Variants in PLCL1 observed in about 807,000 individuals in gnomAD.
The protein encoded by PLCL1 is phospholipase C like 1 (inactive).
A neutral mutation model predicts 84.4 loss-of-function variants in PLCL1; 41 were observed. The observed-to-expected ratio is 0.49, with a 90% confidence interval of 0.38 to 0.63. The LOEUF (loss-of-function observed/expected upper bound fraction) is 0.63, where lower values mean the gene tolerates loss of function less well. Among genes scored for constraint, PLCL1 ranks in the 30% least tolerant of loss-of-function variants. The probability of loss-of-function intolerance (pLI) is 0.00; values close to 1 mark genes in which losing one functional copy is unlikely to be tolerated. For missense variants in PLCL1, 1,206 were observed against 1,367.8 expected (o/e 0.88, Z 1.87); for synonymous variants, 490 against 488.3 (o/e 1.00, Z -0.05).
chr2:197,807,854 G>A (rs879456535), intron 1 of PLCL1, among the ~76,000 whole-genome samples: 1 of 152,118 alleles, frequency 6.6e-6, no homozygotes, highest in African/African-American at 2.4e-5. Flanking sequence ...TTAAATTCTT[G>A]TCAGCTCAAT....
At chr2:197,894,620 CT>C (rs997846813) in intron 1 of PLCL1, among the ~76,000 whole-genome samples, 1 of 151,928 alleles carries the variant, frequency 6.6e-6, no homozygotes, top group Non-Finnish European at 1.5e-5. Flanking sequence ...TGGAATTAAA[CT>C]GTGGCCGCTT....
In PLCL1 at chr2:197,918,971, T is replaced by TCTCTCTCACACACACA; in HGVS notation, c.240+113633_240+113634insTCTCTCACACACACAC. Among the ~76,000 whole-genome samples the TCTCTCTCACACACACA allele has an allele frequency of 2.1e-5, 3 of 144,654 alleles. No homozygotes were observed. In the South Asian group the frequency reaches 6.7e-4, roughly 32 times the overall value. 94.9% of individuals were successfully genotyped at this position (144,654 alleles called of 152,430 possible). On this transcript the variant is annotated intron_variant, in intron 1 of 5. Transcript: ENST00000428675. Reference sequence around the variant, plus strand: ...CTCTCTCTCTCTCTCTCTCTCTCCCTCACACACACACATACACACACAAAG... The same window carrying TCTCTCTCACACACACA: ...CTCTCTCTCTCTCTCTCTCTCTCCCTCTCTCTCACACACACACACACACACACATACACACACAAAG...
In PLCL1 at chr2:197,993,665, G is replaced by A. The variant is rs553396967; in HGVS notation, c.241-90093G>A. 7.4e-4 allele frequency among the ~76,000 whole-genome samples: 113 copies of A among 152,274 alleles called. 1 individual carries two copies. The highest frequency in any genetic ancestry group is 2.7e-3 in the African/African-American group (111 of 41,566). On this transcript the variant is annotated intron_variant, in intron 1 of 5. Transcript: ENST00000428675. ...TACATCTGCAGGAGAGGACTGCCCAGCAGAAGCTGTCAACTTCTCTAGAAC... is the reference window on the plus strand; with the variant it reads ...TACATCTGCAGGAGAGGACTGCCCAACAGAAGCTGTCAACTTCTCTAGAAC...
At chr2:197,992,676 A>T (rs1049860507) in intron 1 of PLCL1, among the ~76,000 whole-genome samples, 4 of 152,206 alleles carry the variant, frequency 2.6e-5, no homozygotes, top group African/African-American at 4.8e-5. Context: ...CTGAACGCTG[A>T]AACTGTACTC....
chr2:197,957,245 T>C (rs1251662834), intron 1 of PLCL1, among the ~76,000 whole-genome samples: 1 of 152,104 alleles, frequency 6.6e-6, no homozygotes, highest in African/African-American at 2.4e-5. Flanking sequence ...TTCCTTTGTG[T>C]TATAATTATT....
intron 5 of PLCL1, among the ~76,000 whole-genome samples, chr2:198,109,287 G>A (rs1236862564): frequency 6.6e-6 from 1 of 151,686 alleles, no homozygotes; most frequent in Non-Finnish European, 1.5e-5. Flanking sequence ...GGAAAGAAAG[G>A]CAAAAGAAGG....
At chr2:198,073,976 A>T (rs1000002221) in intron 1 of PLCL1, among the ~76,000 whole-genome samples, 4 of 152,206 alleles carry the variant, frequency 2.6e-5, no homozygotes, top group African/African-American at 9.6e-5. Context: ...AAATGTTTTT[A>T]AAAAGTAAAT....
chr2:198,132,127 A>G (rs1002596912), intron 5 of PLCL1, among the ~76,000 whole-genome samples: 1 of 152,204 alleles, frequency 6.6e-6, no homozygotes, highest in African/African-American at 2.4e-5. Context: ...TAAGACTCTT[A>G]GAATTTTTCA....
rs79747392 is a variant in PLCL1, at chr2:197,916,591, C to G, written c.240+111252C>G. Among the ~76,000 whole-genome samples, 466 of 152,016 alleles carry G rather than the reference C, an allele frequency of 3.1e-3. 8 individuals carry two copies. The highest frequency in any genetic ancestry group is 0.011 in the African/African-American group (444 of 41,464). On this transcript the variant is annotated intron_variant, in intron 1 of 5. Coordinates refer to ENST00000428675, the MANE Select transcript of PLCL1 (RefSeq NM_006226.4). ...CAATATATATCATCATCATCATCAT[C>G]TTCATTACCAGCAGCTGCAGCAGTT...
chr2:197,850,870 AG>A (rs1687222793), intron 1 of PLCL1, among the ~76,000 whole-genome samples: 1 of 152,234 alleles, frequency 6.6e-6, no homozygotes, highest in African/African-American at 2.4e-5. Context: ...TCCTCTCTCC[AG>A]GAGAGTTTCA....
chr2:197,838,033 T>C (rs1187182610), intron 1 of PLCL1, among the ~76,000 whole-genome samples: 1 of 152,196 alleles, frequency 6.6e-6, no homozygotes, highest in Non-Finnish European at 1.5e-5. Flanking sequence ...AAAATTTGTA[T>C]GTGGTGTATA....
chr2:197,805,070 T>TC lies in PLCL1; in HGVS notation c.-25dup. On this transcript the variant is annotated 5_prime_UTR_variant, in exon 1 of 6. Coordinates refer to ENST00000428675, the MANE Select transcript of PLCL1 (RefSeq NM_006226.4). This position sits in a 1 kb window ranked among gnomAD's most constrained non-coding sequence, Gnocchi z 4.0. ...GACTCCGCTGCCGGGCGTCCCGCTT[T>TC]CCCCCGGGGAGCCCTAAACGCTCCA... 1 of 1,421,602 alleles carries TC rather than the reference T, an allele frequency of 7.0e-7. No homozygotes were observed. The highest frequency in any genetic ancestry group is 1.4e-5 in the South Asian group (1 of 69,526). The allele number at this position is 1,421,602 out of a possible 1,614,324, so 88.1% of individuals were successfully genotyped here.
chr2:198,108,322 G>C (rs1254736283), intron 5 of PLCL1, among the ~76,000 whole-genome samples: 4 of 151,846 alleles, frequency 2.6e-5, no homozygotes, highest in African/African-American at 9.7e-5. Flanking sequence ...ACATGATTTA[G>C]ACTAGTATTC....
chr2:198,110,067 T>C (rs1709993841), intron 5 of PLCL1, among the ~76,000 whole-genome samples: 1 of 151,816 alleles, frequency 6.6e-6, no homozygotes, highest in South Asian at 2.1e-4. Flanking sequence ...CTTTCATTGA[T>C]TACTTGTTGA....
intron 1 of PLCL1, among the ~76,000 whole-genome samples, chr2:197,913,322 A>G (rs535745628): frequency 6.6e-6 from 1 of 152,376 alleles, no homozygotes; most frequent in Non-Finnish European, 1.5e-5. Context: ...TCTAGTCTCC[A>G]CCAATGATAT....
At chr2:197,955,697 G>T (rs1425235948) in intron 1 of PLCL1, among the ~76,000 whole-genome samples, 2 of 151,892 alleles carry the variant, frequency 1.3e-5, no homozygotes, top group Non-Finnish European at 2.9e-5. Context: ...CTTCATCCAT[G>T]TGCCGGCAAA....
At chr2:197,813,663 T>C (rs532295482) in intron 1 of PLCL1, among the ~76,000 whole-genome samples, 14 of 152,166 alleles carry the variant, frequency 9.2e-5, no homozygotes, top group Non-Finnish European at 1.9e-4. Flanking sequence ...TAGCATTGTT[T>C]TGAGCATTAA....
intron 1 of PLCL1, among the ~76,000 whole-genome samples, chr2:197,988,112 A>G (rs557778889): frequency 1.3e-5 from 2 of 152,344 alleles, no homozygotes; most frequent in Non-Finnish European, 2.9e-5. Flanking sequence ...TGTCAGCCAC[A>G]AGTAGGAGCA....
rs142780422 is a variant in PLCL1, at chr2:197,906,723, C to T, written c.240+101384C>T. On this transcript the variant is annotated intron_variant, in intron 1 of 5. Coordinates refer to ENST00000428675, the MANE Select transcript of PLCL1 (RefSeq NM_006226.4). ...GGAATGTTTTTCCATTTGTTTGTGT[C>T]GTCTCTTATTTCCTTGAACAGTGGT... 5.9e-3 allele frequency among the ~76,000 whole-genome samples: 899 copies of T among 152,190 alleles called. 10 individuals are homozygous for T. Among genetic ancestry groups the T allele is most frequent in the African/African-American group, 0.021 (859 of 41,508 alleles).
Sources: allele counts gnomAD v4.1 joint callset (sites outside exome capture counted in the v4.1 genomes callset), GRCh38; gene constraint gnomAD v4.1.1; non-coding constraint Gnocchi (gnomAD v3.1); transcripts MANE v1.5; gene names NCBI Gene and HGNC (gene_info 2026-07-23, HGNC 2026-07-21).